Variants in TBC1D22A observed in about 807,000 individuals in gnomAD.
TBC1D22A encodes TBC1 domain family member 22A.
Under a neutral mutation model 60.2 loss-of-function variants are expected in TBC1D22A, and 38 were observed. The observed-to-expected ratio is 0.63, with a 90% confidence interval of 0.49 to 0.83. The LOEUF (loss-of-function observed/expected upper bound fraction) is 0.83, where lower values mean the gene tolerates loss of function less well. TBC1D22A is among the 40% of genes least tolerant of loss of function. TBC1D22A has a pLI of 0.00. For missense variants in TBC1D22A, 628 were observed against 701.0 expected (o/e 0.90, Z 1.18); for synonymous variants, 302 against 281.7 (o/e 1.07, Z -0.72).
chr22:46,926,638 A>G (rs1031563798), intron 8 of TBC1D22A, among the ~76,000 whole-genome samples: 3 of 152,160 alleles, frequency 2.0e-5, no homozygotes, highest in Admixed American at 1.3e-4. Flanking sequence ...AAAGCAGGTT[A>G]CCCTCCACAA....
intron 11 of TBC1D22A, among the ~76,000 whole-genome samples, chr22:47,092,484 G>A (rs139359911): frequency 5.6e-4 from 85 of 152,314 alleles, no homozygotes; most frequent in African/African-American, 1.9e-3. Context: ...AAACTGGAGT[G>A]GAGGGGCTTG....
In TBC1D22A at chr22:46,977,681, A is replaced by G. The variant is rs1320581109; in HGVS notation, c.1125+3282A>G. On this transcript the variant is annotated intron_variant, in intron 9 of 12. Transcript: ENST00000337137. ...ATTAGCTCACAGTTCCACAAGCTGTACAGGAATCATAGCTGAGGAGGCTTC... is the reference window on the plus strand; with the variant it reads ...ATTAGCTCACAGTTCCACAAGCTGTGCAGGAATCATAGCTGAGGAGGCTTC... 2.0e-5 allele frequency among the ~76,000 whole-genome samples: 3 copies of G among 152,346 alleles called. No homozygotes were observed. In the East Asian group the frequency reaches 5.8e-4, roughly 29 times the overall value.
chr22:46,766,705 T>G (rs2083298638), intron 1 of TBC1D22A, among the ~76,000 whole-genome samples: 1 of 152,018 alleles, frequency 6.6e-6, no homozygotes, highest in African/African-American at 2.4e-5. Context: ...CCAGCTAATT[T>G]TTTTGTATTT....
chr22:47,116,250 G>A (rs2066048795), intron 12 of TBC1D22A: 1 of 152,282 alleles, frequency 6.6e-6, no homozygotes, highest in Non-Finnish European at 1.5e-5. Context: ...CAGGAGCTGG[G>A]ACCGTTGTTT....
chr22:46,929,728 G>GCA (rs2071246888), intron 8 of TBC1D22A, among the ~76,000 whole-genome samples: 1 of 152,114 alleles, frequency 6.6e-6, no homozygotes, highest in Non-Finnish European at 1.5e-5. Flanking sequence ...GTGTGCGTGT[G>GCA]TGCATGCATG....
chr22:47,037,015 C>G (rs1470096057), intron 10 of TBC1D22A, 56 bp from the exon 11 acceptor site: 11 of 1,605,338 alleles, frequency 6.9e-6, no homozygotes, highest in Non-Finnish European at 5.1e-6. Context: ...ACCTGGCTGC[C>G]AGTGCCTCCA....
At chr22:47,063,385 C>T (rs1218076250) in intron 11 of TBC1D22A, among the ~76,000 whole-genome samples, 2 of 152,202 alleles carry the variant, frequency 1.3e-5, no homozygotes, top group African/African-American at 4.8e-5. Flanking sequence ...AAGTTAGGCC[C>T]GGCCTCGTCC....
At chr22:46,806,621 A>C (rs1374647157) in intron 4 of TBC1D22A, among the ~76,000 whole-genome samples, 3 of 152,068 alleles carry the variant, frequency 2.0e-5, no homozygotes, top group African/African-American at 7.2e-5. Flanking sequence ...ATTAGAACTG[A>C]CATGTAAGAC....
chr22:47,138,279 G>A (rs2066948367), intron 12 of TBC1D22A, among the ~76,000 whole-genome samples: 2 of 152,200 alleles, frequency 1.3e-5, no homozygotes, highest in Non-Finnish European at 2.9e-5. Flanking sequence ...AGCTAAGGAT[G>A]CACAGACCCC....
rs551866287 is a variant in TBC1D22A, at chr22:46,996,384, A to C, written c.1126-1250A>C. Among the ~76,000 whole-genome samples, 15 of 152,354 alleles carry C rather than the reference A, an allele frequency of 9.8e-5. No homozygotes were observed. The South Asian group carries it at 3.1e-3, about 32-fold the overall frequency. ...GCCAGAGGCCCTGTGTGCTCACTAAAGAGTTGGAAGCGTAGGCCAGAACCC... is the reference window on the plus strand; with the variant it reads ...GCCAGAGGCCCTGTGTGCTCACTAACGAGTTGGAAGCGTAGGCCAGAACCC... On this transcript the variant is annotated intron_variant, in intron 9 of 12. Coordinates refer to ENST00000337137, the MANE Select transcript of TBC1D22A (RefSeq NM_014346.5).
intron 7 of TBC1D22A, among the ~76,000 whole-genome samples, chr22:46,908,242 G>A (rs1488148010): frequency 6.6e-6 from 1 of 152,164 alleles, no homozygotes; most frequent in Non-Finnish European, 1.5e-5. Flanking sequence ...CAGTGGAGTC[G>A]GGGGAAGGGG....
intron 4 of TBC1D22A, among the ~76,000 whole-genome samples, chr22:46,868,948 G>GT (rs1184938011): frequency 1.3e-5 from 2 of 149,486 alleles, no homozygotes; most frequent in Non-Finnish European, 3.0e-5. Flanking sequence ...TAGGTGGGGG[G>GT]TGCCCCTGTG....
At chr22:47,153,863 CAG>C (rs549476316) in intron 12 of TBC1D22A, among the ~76,000 whole-genome samples, 6 of 152,230 alleles carry the variant, frequency 3.9e-5, no homozygotes, top group South Asian at 4.1e-4. Flanking sequence ...GGCAGCTTGA[CAG>C]GGGTGACGAT....
intron 4 of TBC1D22A, among the ~76,000 whole-genome samples, chr22:46,805,384 C>G (rs1288425530): frequency 6.6e-6 from 1 of 152,222 alleles, no homozygotes; most frequent in African/African-American, 2.4e-5. Flanking sequence ...GACGCAAGGA[C>G]TTTTGAACAA....
At chr22:46,765,115 T>C (rs969217156) in intron 1 of TBC1D22A, among the ~76,000 whole-genome samples, 15 of 152,292 alleles carry the variant, frequency 9.8e-5, no homozygotes, top group East Asian at 9.6e-4. Flanking sequence ...CTTTGTGAAG[T>C]TGGAGTCTTG....
At chr22:46,806,119 G>A (rs2085123612) in intron 4 of TBC1D22A, among the ~76,000 whole-genome samples, 1 of 152,108 alleles carries the variant, frequency 6.6e-6, no homozygotes, top group Admixed American at 6.5e-5. Context: ...CCAAAGTGCT[G>A]GGATTACAGG....
At chr22:47,052,709 A>C (rs566325144) in intron 11 of TBC1D22A, among the ~76,000 whole-genome samples, 3 of 152,154 alleles carry the variant, frequency 2.0e-5, no homozygotes, top group Non-Finnish European at 4.4e-5. Context: ...TGTCGGCCAC[A>C]CACAGCACTG....
intron 11 of TBC1D22A, among the ~76,000 whole-genome samples, chr22:47,038,367 G>A (rs1015319845): frequency 2.6e-5 from 4 of 152,198 alleles, no homozygotes; most frequent in African/African-American, 9.6e-5. Flanking sequence ...CTTGGCGGGA[G>A]GCTTTTTCTA....
At chr22:47,053,735 C>T (rs2063302887) in intron 11 of TBC1D22A, among the ~76,000 whole-genome samples, 1 of 152,244 alleles carries the variant, frequency 6.6e-6, no homozygotes, top group Non-Finnish European at 1.5e-5. Context: ...GACAACATCA[C>T]ATTCACTGGC....
Sources: allele counts gnomAD v4.1 joint callset (sites outside exome capture counted in the v4.1 genomes callset), GRCh38; gene constraint gnomAD v4.1.1; transcripts MANE v1.5; gene names NCBI Gene and HGNC (gene_info 2026-07-23, HGNC 2026-07-21).